Variants in GAL3ST4 observed in about 807,000 individuals in gnomAD.
GAL3ST4 encodes beta-galactose-3-O-sulfotransferase 4.
In GAL3ST4, 30 loss-of-function variants were observed where a neutral mutation model predicts 31.6. The ratio of observed to expected loss-of-function variants is 0.95; its 90% confidence interval spans 0.71 to 1.29. The LOEUF (loss-of-function observed/expected upper bound fraction) is 1.29. Among genes scored for constraint, GAL3ST4 ranks in the 50% most tolerant of loss-of-function variants. The pLI, the probability that GAL3ST4 is intolerant of heterozygous loss-of-function variation, is 0.00. For missense variants in GAL3ST4, 629 were observed against 625.2 expected (o/e 1.01, Z -0.06); for synonymous variants, 248 against 256.9 (o/e 0.97, Z 0.33).
rs779838710 is a variant in GAL3ST4, at chr7:100,166,761, C to G, written c.170G>C (p.Arg57Pro). The G allele has an allele frequency of 1.2e-6, 2 of 1,612,986 alleles. No individual in the cohort carries two copies. Among genetic ancestry groups the G allele is most frequent in the Non-Finnish European group, 1.7e-6 (2 of 1,179,620 alleles). ...GGGTGGGCAGGACGGAAGGGCTGGT[C>G]GTAGGGATGGGGCCGAGGGCTGTCG... The part of the protein sequence containing the change: ...QLRQPSAPSL[R>P]PALPSCPPRQ... Residue 57 changes from arginine (R) to proline (P), a missense_variant, in exon 3 of 4, where the codon CGA (arginine) becomes CCA (proline). Physicochemically the swap from Arg to Pro is moderately radical, Grantham distance 103 (BLOSUM62 -2). Transcript: ENST00000360039.
rs1277947903 is a variant in GAL3ST4 at position 100,159,715 on chromosome 7, G to A, written c.*213C>T. ...AGCCTGGGGGACAGAGCAAGACTCC[G>A]TTTCAAAAAAAAAAAAAGTTGGGGG... is the stretch of plus-strand genomic sequence containing the variant. On this transcript the variant is annotated 3_prime_UTR_variant, in exon 4 of 4. Transcript: ENST00000360039. 1.1e-5 allele frequency: 6 copies of A among 525,864 alleles called. No individual in the cohort carries two copies. Among genetic ancestry groups the A allele is most frequent in the South Asian group, 7.6e-5 (3 of 39,446 alleles). 32.6% of individuals were successfully genotyped at this position (525,864 alleles called of 1,614,324 possible). A position where few individuals can be genotyped will look rare whatever the true frequency, so the allele number is the denominator to read the frequency against.
In GAL3ST4 at chr7:100,160,377, G is replaced by A; in HGVS notation, c.1012C>T (p.Gln338Ter). 1 of 1,614,100 alleles carries A rather than the reference G, an allele frequency of 6.2e-7. No individual in the cohort carries two copies. The highest frequency in any genetic ancestry group is 8.5e-7 in the Non-Finnish European group (1 of 1,180,038). Residue 338 changes from glutamine to a stop codon, truncating the protein, a stop_gained, in exon 4 of 4, where the codon CAG becomes TAG. Transcript: ENST00000360039. LOFTEE classifies it high-confidence loss of function. ...FMHNAQAGHKQGLSTVSNSGL... is the reference protein window; with the variant it reads ...FMHNAQAGHK ...CTGTTGCTGACAGTGCTGAGGCCCT[G>A]CTTATGTCCAGCCTGGGCATTGTGC...
chr7:100,165,876 T>C (rs546806271), intron 3 of GAL3ST4, among the ~76,000 whole-genome samples: 23 of 142,766 alleles, frequency 1.6e-4, no homozygotes, highest in African/African-American at 5.5e-4. Context: ...GCAAGCTCAC[T>C]CCTGTAATCC....
chr7:100,160,952 T>C lies in GAL3ST4; in HGVS notation c.437A>G (p.Gln146Arg), dbSNP rs779724224. The change falls in exon 4 of 4, where the codon CAG (glutamine) becomes CGG (arginine). Residue 146 changes from glutamine (Q) to arginine (R), a missense_variant. Transcript: ENST00000360039. ...AAAGAAGCTGTCAGAAGGCATGACC[T>C]GAAGTACCTGCAGAGGAGGGAAGAC... is the stretch of plus-strand genomic sequence containing the variant. ...HMRFNLKEVL[Q>R]VMPSDSFFFS... 17 of 1,590,442 alleles carry C rather than the reference T, an allele frequency of 1.1e-5. No homozygotes were observed. In the Admixed American group the frequency reaches 3.0e-4, roughly 28 times the overall value.
Position 100,160,125 on chromosome 7 carries a change from G to T in GAL3ST4, c.1264C>A (p.Arg422Ser). The T allele has an allele frequency of 6.2e-7, 1 of 1,613,954 alleles. No homozygotes were observed. Among genetic ancestry groups the T allele is most frequent in the Non-Finnish European group, 8.5e-7 (1 of 1,179,882 alleles). The change falls in exon 4 of 4, where the codon CGC (arginine) becomes AGC (serine). Residue 422 changes from arginine to serine, a missense_variant. Physicochemically the swap from Arg to Ser is moderately radical, Grantham distance 110. Transcript: ENST00000360039. ...EASDPKYITD[R>S]RFRPFQFGSA... Reference sequence around the variant, plus strand: ...CCAAACTGGAAGGGGCGGAACCGGCGATCAGTGATGTATTTGGGGTCAGAA... The same window carrying T: ...CCAAACTGGAAGGGGCGGAACCGGCTATCAGTGATGTATTTGGGGTCAGAA...
At chr7:100,163,605 T>C (rs1233930910) in intron 3 of GAL3ST4, among the ~76,000 whole-genome samples, 2 of 152,078 alleles carry the variant, frequency 1.3e-5, no homozygotes, top group East Asian at 3.9e-4. Flanking sequence ...ATATCATAGC[T>C]CACTGCAGCC....
rs751555570 is a variant in GAL3ST4 at position 100,159,935 on chromosome 7, GA to G, written c.1453del (p.Ser485ProfsTer21). The G allele has an allele frequency of 6.2e-7, 1 of 1,601,730 alleles. No homozygotes were observed. Among genetic ancestry groups the G allele is most frequent in the South Asian group, 1.1e-5 (1 of 89,398 alleles). ...SLPLKTSRPL[S>X]P The stretch of plus-strand genomic sequence containing the variant: ...AAATCTGTAGTCTGATGTTTATGGG[GA>G]GAGTGGCCTTGAAGTCTTGAGGGGC... On this transcript the variant is annotated frameshift_variant, in exon 4 of 4. Transcript: ENST00000360039. LOFTEE classifies it high-confidence loss of function.
At chr7:100,166,453 C>T (rs372189708) in intron 3 of GAL3ST4, 49 bp downstream of exon 3, 2 of 1,557,770 alleles carry the variant, frequency 1.3e-6, no homozygotes, top group Non-Finnish European at 1.7e-6. Context: ...GTGGTGTCAG[C>T]CTGAGCCCAT....
intron 3 of GAL3ST4, among the ~76,000 whole-genome samples, chr7:100,161,335 G>A (rs572498010): frequency 3.3e-5 from 5 of 151,930 alleles, no homozygotes; most frequent in African/African-American, 9.7e-5. Context: ...GCAACATAGC[G>A]AGACCCTGTC....
chr7:100,166,411 G>T, intron 3 of GAL3ST4, 91 bp downstream of exon 3: 1 of 1,352,232 alleles, frequency 7.4e-7, no homozygotes, highest in South Asian at 1.4e-5. Context: ...GATGATGCCT[G>T]GGGAGCCCCC....
At position 100,167,072 on chromosome 7, in the gene GAL3ST4, C is replaced by T; in HGVS notation, c.24G>A (p.Arg8=). The T allele has an allele frequency of 6.4e-7, 1 of 1,556,158 alleles. No individual in the cohort carries two copies. The highest frequency in any genetic ancestry group is 8.7e-7 in the Non-Finnish European group (1 of 1,149,194). MGPLSPA[R]TLRLWGPRSL... The stretch of plus-strand genomic sequence containing the variant: ...TCCGAGGTCCCCAGAGCCGCAGCGT[C>T]CTGGCAGGAGAGAGAGGGCCCATGT... The change falls in exon 2 of 4, where the codon AGG becomes AGA. Residue 8 remains arginine, a synonymous_variant. Coordinates refer to ENST00000360039, the MANE Select transcript of GAL3ST4 (RefSeq NM_024637.5).
intron 3 of GAL3ST4, among the ~76,000 whole-genome samples, chr7:100,161,437 T>C (rs1312708906): frequency 6.6e-6 from 1 of 151,846 alleles, no homozygotes; most frequent in Non-Finnish European, 1.5e-5. Flanking sequence ...TTACTTGAGG[T>C]CAGGAGTTCG....
rs756902684 is a variant in GAL3ST4, at chr7:100,160,482, C to A, written c.907G>T (p.Val303Leu). The A allele has an allele frequency of 6.2e-7, 1 of 1,614,112 alleles. No individual in the cohort carries two copies. Among genetic ancestry groups the A allele is most frequent in the Non-Finnish European group, 8.5e-7 (1 of 1,180,032 alleles). ...AATGACTCATCGAAGTACTCAGCCA[C>A]CATGACCAGGTCAAAGACAGAGTCC... ...WLDSVFDLVM[V>L]AEYFDESLVL... The change falls in exon 4 of 4, where the codon GTG becomes TTG. Residue 303 changes from valine to leucine, a missense_variant. Val to Leu is a conservative substitution (Grantham distance 32). Coordinates refer to ENST00000360039, the MANE Select transcript of GAL3ST4 (RefSeq NM_024637.5).
At chr7:100,161,067 C>CTAG in intron 3 of GAL3ST4, 108 bp from the exon 4 acceptor site, 3 of 931,710 alleles carry the variant, frequency 3.2e-6, no homozygotes, top group African/African-American at 1.7e-5. Context: ...CCTCCTCCTC[C>CTAG]CAGCTCTGCT....
At chr7:100,161,077 T>TGGGAGG in intron 3 of GAL3ST4, 118 bp from the exon 4 acceptor site, 1 of 834,816 alleles carries the variant, frequency 1.2e-6, no homozygotes, top group Non-Finnish European at 1.8e-6. Context: ...CCAGCTCTGC[T>TGGGAGG]AGGAATCCCC....
At chr7:100,161,719 G>C (rs945659829) in intron 3 of GAL3ST4, among the ~76,000 whole-genome samples, 86 of 151,584 alleles carry the variant, frequency 5.7e-4, no homozygotes, top group Non-Finnish European at 6.6e-4. Context: ...TAAATAAAAT[G>C]TGGCACATAT....
At chr7:100,160,996 C>T in intron 3 of GAL3ST4, 37 bp from the exon 4 acceptor site, 2 of 1,522,848 alleles carry the variant, frequency 1.3e-6, no homozygotes, top group East Asian at 4.5e-5. Context: ...GAGAACTGGG[C>T]TGGGGAGAAG....
rs1035707649 is a variant in GAL3ST4, at chr7:100,159,296, G to C, written c.*632C>G. The C allele has an allele frequency of 6.6e-6, 1 of 152,392 alleles. No individual in the cohort carries two copies. The highest frequency in any genetic ancestry group is 6.5e-5 in the Admixed American group (1 of 15,284). The allele number at this position is 152,392 out of a possible 1,614,324, so 9.4% of individuals were successfully genotyped here. On this transcript the variant is annotated 3_prime_UTR_variant, in exon 4 of 4. Coordinates refer to ENST00000360039, the MANE Select transcript of GAL3ST4 (RefSeq NM_024637.5). ...CAAACATGTCAGAGAGAAATGAACA[G>C]TCTAGTAGCAAATATTTCATAGAGA...
In GAL3ST4 at chr7:100,160,772, G is replaced by A. The variant is rs1390479394; in HGVS notation, c.617C>T (p.Ala206Val). The change falls in exon 4 of 4, where the codon GCT (alanine) becomes GTT (valine). Residue 206 changes from alanine (A) to valine (V), a missense_variant. By Grantham distance (64) the Ala-to-Val change is moderately conservative. Coordinates refer to ENST00000360039, the MANE Select transcript of GAL3ST4 (RefSeq NM_024637.5). Reference protein sequence around the residue: ...YRPGARGDHYARNLLWFDFGL... With the variant: ...YRPGARGDHYVRNLLWFDFGL... The stretch of plus-strand genomic sequence containing the variant: ...AAAGTCAAACCATAGTAAGTTGCGA[G>A]CGTAGTGGTCCCCACGGGCCCCAGG... The A allele has an allele frequency of 8.7e-6, 14 of 1,614,232 alleles. No individual in the cohort carries two copies. The highest frequency in any genetic ancestry group is 1.1e-5 in the Non-Finnish European group (13 of 1,180,054).
Sources: allele counts gnomAD v4.1 joint callset (sites outside exome capture counted in the v4.1 genomes callset), GRCh38; gene constraint gnomAD v4.1.1; transcripts MANE v1.5; gene names NCBI Gene and HGNC (gene_info 2026-07-23, HGNC 2026-07-21).